CHAT: variants seen among roughly 807,000 people sequenced by gnomAD.
CHAT encodes acetyl CoA:choline O-acetyltransferase.
CHAT carries 61 observed loss-of-function variants against 76.9 expected under a neutral mutation model. The observed-to-expected ratio is 0.79, with a 90% CI of 0.65 to 0.98. The LOEUF (loss-of-function observed/expected upper bound fraction) is 0.98. Among genes scored for constraint, CHAT ranks in the 50% least tolerant of loss-of-function variants. The pLI is 0.00. For missense variants in CHAT, 946 were observed against 986.9 expected (o/e 0.96, Z 0.56); for synonymous variants, 407 against 397.4 (o/e 1.02, Z -0.29).
chr10:49,610,892 T>C, upstream of CHAT: 1 of 1,613,120 alleles, frequency 6.2e-7, no homozygotes, highest in African/African-American at 1.3e-5. Flanking sequence ...ATGCTGTACA[T>C]GGTCATCGTG....
chr10:49,662,568 G>A, intron 13 of CHAT, 77 bp from the exon 14 acceptor site: 3 of 1,585,836 alleles, frequency 1.9e-6, no homozygotes, highest in Non-Finnish European at 2.6e-6. Flanking sequence ...CAGCAGTCCT[G>A]TAGACTACAG....
rs1028268140 is a variant in CHAT, at chr10:49,639,550, C to T, written c.1112-6955C>T. On this transcript the variant is annotated intron_variant, in intron 7 of 14. Transcript: ENST00000337653. ...TATATAGTATATATATACACACACA[C>T]ACACACACACACACACACATATGGG... Among the ~76,000 whole-genome samples the T allele has an allele frequency of 5.5e-4, 81 of 148,274 alleles. No homozygotes were observed. The South Asian group carries it at 7.3e-3, about 13-fold the overall frequency.
At chr10:49,653,757 T>C (rs1252015004) in intron 11 of CHAT, among the ~76,000 whole-genome samples, 1 of 152,226 alleles carries the variant, frequency 6.6e-6, no homozygotes, top group Non-Finnish European at 1.5e-5. Flanking sequence ...TCAGAGGGCA[T>C]GGGGCCGAGA....
intron 11 of CHAT, among the ~76,000 whole-genome samples, chr10:49,652,740 G>A (rs1756694325): frequency 6.6e-6 from 1 of 152,132 alleles, no homozygotes; most frequent in Non-Finnish European, 1.5e-5. Flanking sequence ...GCTTAGAAGT[G>A]CCCCCTGTGG....
rs777142490 is a variant in CHAT at position 49,646,560 on chromosome 10, C to T, written c.1167C>T (p.Cys389=). 18 of 1,614,116 alleles carry T rather than the reference C, an allele frequency of 1.1e-5. No homozygotes were observed. Among genetic ancestry groups the T allele is most frequent in the African/African-American group, 2.7e-5 (2 of 74,930 alleles). Residue 389 remains cysteine, a synonymous_variant, in exon 8 of 15, where the codon TGC becomes TGT. Coordinates refer to ENST00000337653, the MANE Select transcript of CHAT (RefSeq NM_020549.5). The part of the protein sequence containing the change: ...DMIERCICLV[C]LDAPGGVELS... The stretch of plus-strand genomic sequence containing the variant: ...TTGAGCGCTGCATCTGCCTTGTATG[C>T]CTGGACGCGCCAGGAGGCGTGGAGC...
upstream of CHAT, chr10:49,610,682 C>A (rs988228822): frequency 2.8e-6 from 4 of 1,439,398 alleles, no homozygotes; most frequent in African/African-American, 5.8e-5. Context: ...CTCTGCACTG[C>A]GGGACGCCAG....
chr10:49,635,002 C>G (rs1442815282), intron 7 of CHAT, among the ~76,000 whole-genome samples: 1 of 152,134 alleles, frequency 6.6e-6, no homozygotes. Context: ...ATATCACAAC[C>G]AGGATACTGA....
At chr10:49,637,671 T>G (rs1839341376) in intron 7 of CHAT, 4 of 152,402 alleles carry the variant, frequency 2.6e-5, no homozygotes, top group Admixed American at 2.6e-4. Flanking sequence ...AAATCAAACC[T>G]TTTTATTCAT....
At chr10:49,654,926 C>T (rs765657200) in intron 11 of CHAT, among the ~76,000 whole-genome samples, 169 bp from the exon 12 acceptor site, 7 of 152,108 alleles carry the variant, frequency 4.6e-5, no homozygotes, top group African/African-American at 1.2e-4. Context: ...GACTCCCCAG[C>T]GTCATCTTTG....
chr10:49,660,761 G>A (rs536888991), intron 13 of CHAT, among the ~76,000 whole-genome samples: 3 of 152,270 alleles, frequency 2.0e-5, no homozygotes, highest in Admixed American at 1.3e-4. Context: ...TTAAGTTGAT[G>A]AGAACAACCA....
chr10:49,644,533 C>T (rs975493312), intron 7 of CHAT, among the ~76,000 whole-genome samples: 3 of 152,106 alleles, frequency 2.0e-5, no homozygotes, highest in African/African-American at 7.2e-5. Flanking sequence ...GCCCAAGAGG[C>T]CATGCAGAGA....
chr10:49,646,463 G>T, intron 7 of CHAT, 42 bp from the exon 8 acceptor site: 1 of 1,612,138 alleles, frequency 6.2e-7, no homozygotes. Context: ...AGACTGGCCT[G>T]GAGCGGGACA....
rs114959772 is a variant in CHAT at position 49,662,453 on chromosome 10, C to T, written c.1840-192C>T. ...GTGCATGTGGAAATGCGCAAGGGCC[C>T]GGGAGCAGAGGCCGCATGGTAGAGC... On this transcript the variant is annotated intron_variant, in intron 13 of 14. Coordinates refer to ENST00000337653, the MANE Select transcript of CHAT (RefSeq NM_020549.5). Among the ~76,000 whole-genome samples the T allele has an allele frequency of 2.2e-3, 329 of 152,318 alleles. 4 individuals carry two copies. Among genetic ancestry groups the T allele is most frequent in the African/African-American group, 7.2e-3 (300 of 41,556 alleles).
chr10:49,615,180 C>A (rs1345186010), intron 1 of CHAT, among the ~76,000 whole-genome samples: 2 of 151,968 alleles, frequency 1.3e-5, no homozygotes, highest in Non-Finnish European at 2.9e-5. Flanking sequence ...GGGCTCTGGG[C>A]CAGAGCAAAA....
chr10:49,658,855 A>G (rs1314331696), intron 13 of CHAT, among the ~76,000 whole-genome samples: 1 of 152,266 alleles, frequency 6.6e-6, no homozygotes, highest in Non-Finnish European at 1.5e-5. Context: ...TTTTTCAGGA[A>G]ATAAAAATAA....
At chr10:49,628,828 C>G (rs537364251) in intron 7 of CHAT, among the ~76,000 whole-genome samples, 1 of 152,408 alleles carries the variant, frequency 6.6e-6, no homozygotes, top group East Asian at 1.9e-4. Context: ...CGAGGCCCAG[C>G]AGGGACACAC....
At chr10:49,655,330 G>A (rs2132831421) in intron 12 of CHAT, 56 bp from the exon 13 acceptor site, 3 of 1,612,990 alleles carry the variant, frequency 1.9e-6, no homozygotes, top group Non-Finnish European at 2.5e-6. Context: ...ACCACCAGAT[G>A]CTTTGGCTCC....
At chr10:49,610,025 G>T (rs885836), upstream of CHAT, among the ~76,000 whole-genome samples, 2 of 151,984 alleles carry the variant, frequency 1.3e-5, no homozygotes, top group Admixed American at 1.3e-4. Flanking sequence ...CCGCGGGCGG[G>T]GGGCAGGCAG....
At chr10:49,632,337 G>A (rs1327718513) in intron 7 of CHAT, among the ~76,000 whole-genome samples, 1 of 152,168 alleles carries the variant, frequency 6.6e-6, no homozygotes, top group Non-Finnish European at 1.5e-5. Context: ...GGGGGAGCCA[G>A]GGAGCCCCCA....
Sources: gnomAD v4.1 joint callset for allele counts (sites outside exome capture counted in the v4.1 genomes callset) on GRCh38, gnomAD v4.1.1 for gene constraint, MANE v1.5 for transcripts, NCBI Gene and HGNC (gene_info 2026-07-23, HGNC 2026-07-21) for gene names.